Variants in ANK2 observed in about 807,000 individuals in gnomAD.
ANK2 encodes ankyrin-2.
Under a neutral mutation model 360.5 loss-of-function variants are expected in ANK2, and 83 were observed. The observed-to-expected ratio is 0.23, with a 90% CI of 0.19 to 0.28. The LOEUF is 0.28. Ranked by LOEUF, ANK2 falls within the 10% of genes least tolerant of loss-of-function variation. The probability of loss-of-function intolerance (pLI) is 1.00; values close to 1 mark genes in which losing one functional copy is unlikely to be tolerated. For synonymous variants in ANK2, 1,740 were observed against 1,759.5 expected (o/e 0.99, Z 0.28); for missense variants, 4,201 against 4,795.7 (o/e 0.88, Z 3.66).
At chr4:113,107,037 C>G (rs1371049175) in intron 1 of ANK2, 1 of 421,144 alleles carries the variant, frequency 2.4e-6, no homozygotes, top group Non-Finnish European at 4.8e-6. Flanking sequence ...CCATTCGAAA[C>G]AAAGCTTTTG....
intron 2 of ANK2, among the ~76,000 whole-genome samples, chr4:112,915,557 C>G (rs1281432644): frequency 6.6e-6 from 1 of 151,916 alleles, no homozygotes; most frequent in Non-Finnish European, 1.5e-5. Flanking sequence ...TCAACACCAG[C>G]CTCAGCAATG....
Position 113,353,953 on chromosome 4 carries a change from G to A in ANK2, c.5335G>A (p.Asp1779Asn). 6.2e-7 allele frequency: 1 copy of A among 1,614,094 alleles called. No individual in the cohort carries two copies. The highest frequency in any genetic ancestry group is 8.5e-7 in the Non-Finnish European group (1 of 1,179,962). Residue 1779 changes from aspartate (D) to asparagine (N), a missense_variant, in exon 38 of 46, where the codon GAT becomes AAT. This residue lies in a region of ANK2 where 2,642 missense variants were observed against 2,714.5 expected (regional missense o/e 0.97). Coordinates refer to ENST00000357077, the MANE Select transcript of ANK2 (RefSeq NM_001148.6). ...KVKALQKRVE[D>N]EQKGRSKLPI... is the part of the protein sequence containing the mutation. ...AAAGGCCCTTCAGAAGCGAGTGGAA[G>A]ATGAACAGAAAGGTCGAAGCAAGTT...
At chr4:112,854,045 A>G (rs2150008439) in intron 1 of ANK2, among the ~76,000 whole-genome samples, 1 of 152,302 alleles carries the variant, frequency 6.6e-6, no homozygotes, top group East Asian at 1.9e-4. Flanking sequence ...TACCTGTAAG[A>G]AAATAAGGAC....
At chr4:112,813,315 C>T (rs1260793130), upstream of ANK2, among the ~76,000 whole-genome samples, 1 of 149,766 alleles carries the variant, frequency 6.7e-6, no homozygotes, top group Non-Finnish European at 1.5e-5. Flanking sequence ...GAAAAAATTA[C>T]AAATGATGAC....
chr4:113,205,580 T>C (rs936479570), intron 4 of ANK2, among the ~76,000 whole-genome samples: 1 of 152,178 alleles, frequency 6.6e-6, no homozygotes, highest in Non-Finnish European at 1.5e-5. Flanking sequence ...AACTCAAGGA[T>C]GATTAGGTGA....
chr4:112,709,308 T>C, the ANK2 span, among the ~76,000 whole-genome samples: 7 of 152,222 alleles, frequency 4.6e-5, no homozygotes, highest in Admixed American at 2.0e-4. Context: ...TTTCTAACTT[T>C]GTAAAAGAAA....
intron 2 of ANK2, among the ~76,000 whole-genome samples, chr4:112,964,716 C>G (rs1462158411): frequency 6.6e-6 from 1 of 151,900 alleles, no homozygotes; most frequent in African/African-American, 2.4e-5. Flanking sequence ...ACTACAGGCG[C>G]CCGCCACCAC....
At chr4:112,750,378 T>C in the ANK2 span, among the ~76,000 whole-genome samples, 23 of 152,130 alleles carry the variant, frequency 1.5e-4, no homozygotes, top group Non-Finnish European at 2.4e-4. Context: ...GAAAAAAAGA[T>C]TGTAATATTG....
At chr4:113,070,716 A>C (rs2077237375) in intron 1 of ANK2, among the ~76,000 whole-genome samples, 1 of 152,244 alleles carries the variant, frequency 6.6e-6, no homozygotes, top group Non-Finnish European at 1.5e-5. Context: ...CTTCCAGCAA[A>C]GATCCATCAA....
chr4:112,739,028 C>G, the ANK2 span: 2 of 604,464 alleles, frequency 3.3e-6, no homozygotes, highest in Non-Finnish European at 6.2e-6. Context: ...ACCGCAAAGC[C>G]ATCATGGAAA....
At chr4:113,333,469 A>G (rs781433379) in intron 29 of ANK2, among the ~76,000 whole-genome samples, 17 of 152,184 alleles carry the variant, frequency 1.1e-4, no homozygotes, top group Non-Finnish European at 2.4e-4. Context: ...ACATCTCATT[A>G]AAGAGATGCA....
intron 1 of ANK2, among the ~76,000 whole-genome samples, chr4:112,883,134 G>T (rs192975227): frequency 1.7e-3 from 230 of 137,944 alleles, no homozygotes; most frequent in African/African-American, 5.9e-3. Flanking sequence ...CGTCTCCCTG[G>T]TTCAAGCGAT....
At chr4:113,022,110 A>G (rs532069706) in intron 2 of ANK2, among the ~76,000 whole-genome samples, 11 of 152,216 alleles carry the variant, frequency 7.2e-5, no homozygotes, top group Non-Finnish European at 1.6e-4. Flanking sequence ...AGAGAGAGAC[A>G]GACCCTACCT....
At chr4:112,961,064 T>G (rs1301006826) in intron 2 of ANK2, among the ~76,000 whole-genome samples, 2 of 152,092 alleles carry the variant, frequency 1.3e-5, no homozygotes, top group South Asian at 2.1e-4. Flanking sequence ...ATAACTGTTT[T>G]TTTTTTTTTT....
chr4:113,340,374 T>C (rs1030122326), intron 32 of ANK2, among the ~76,000 whole-genome samples: 12 of 152,124 alleles, frequency 7.9e-5, no homozygotes, highest in African/African-American at 2.7e-4. Context: ...ATAGCAACAA[T>C]TATCCATGTA....
At chr4:113,124,370 T>C (rs2095538478) in intron 1 of ANK2, among the ~76,000 whole-genome samples, 1 of 152,208 alleles carries the variant, frequency 6.6e-6, no homozygotes, top group Non-Finnish European at 1.5e-5. Flanking sequence ...ATGACATTAA[T>C]TTAGTAAGAA....
intron 1 of ANK2, among the ~76,000 whole-genome samples, chr4:113,170,049 C>T (rs936649225): frequency 6.6e-6 from 1 of 152,144 alleles, no homozygotes; most frequent in Non-Finnish European, 1.5e-5. Context: ...TTCTTAATAA[C>T]TTTAAGGTGT....
rs149483567 is a variant in ANK2 at position 113,326,612 on chromosome 4, T to C, written c.2901-3634T>C. On this transcript the variant is annotated intron_variant, in intron 26 of 45. Transcript: ENST00000357077. ...TCTTCTCTCTCTTCTCTTTCTCTTC[T>C]AAAGAAAATTTCCTCACTACAACTT... Among the ~76,000 whole-genome samples the C allele has an allele frequency of 2.8e-3, 432 of 152,312 alleles. 6 individuals carry two copies. The highest frequency in any genetic ancestry group is 9.8e-3 in the African/African-American group (406 of 41,564).
chr4:113,062,397 C>G (rs1246990641), intron 1 of ANK2, among the ~76,000 whole-genome samples: 4 of 152,014 alleles, frequency 2.6e-5, no homozygotes, highest in Non-Finnish European at 4.4e-5. Context: ...ATTGGTGTCT[C>G]AAGTTTATTT....
Sources: gnomAD v4.1 joint callset for allele counts (sites outside exome capture counted in the v4.1 genomes callset) on GRCh38, gnomAD v4.1.1 for gene constraint, gnomAD v4.1.1 regional missense constraint, MANE v1.5 for transcripts, NCBI Gene and HGNC (gene_info 2026-07-23, HGNC 2026-07-21) for gene names.